The following MED24 variants were observed in gnomAD, a reference collection of about 807,000 sequenced individuals.
The protein encoded by MED24 is mediator of RNA polymerase II transcription subunit 24.
MED24 carries 74 observed loss-of-function variants against 118.8 expected under a neutral mutation model. The observed-to-expected ratio is 0.62, with a 90% CI of 0.52 to 0.76. MED24 has a LOEUF of 0.76. MED24 is among the 30% of genes least tolerant of loss of function. The pLI is 0.00. For synonymous variants in MED24, 521 were observed against 523.9 expected, an observed-to-expected ratio of 0.99 and a Z score of 0.08; for missense variants, 1,041 against 1,278.9, an observed-to-expected ratio of 0.81 and a Z score of 2.84.
intron 3 of MED24, among the ~76,000 whole-genome samples, chr17:40,039,781 A>ATT (rs869107070): frequency 0.013 from 1,643 of 127,650 alleles, 22 homozygotes; most frequent in African/African-American, 0.026. Flanking sequence ...ACCATGCTTA[A>ATT]TTTTTTTTTT....
chr17:40,028,679 T>G, intron 14 of MED24, 147 bp downstream of exon 14: 1 of 1,173,550 alleles, frequency 8.5e-7, no homozygotes, highest in Non-Finnish European at 1.2e-6. Flanking sequence ...AGGCCCTTCC[T>G]CCAAGATCTC....
Position 40,023,477 on chromosome 17 carries a change from T to C in MED24, c.1986-82A>G, listed in dbSNP as rs1418321038. On this transcript the variant is annotated intron_variant, in intron 19 of 25. Coordinates refer to ENST00000394128, the MANE Select transcript of MED24 (RefSeq NM_014815.4). ...GAGGAGGGAACACCCATGCCAGACT[T>C]TCCCTTGGACTTAGGTTACGGAAAT... is the stretch of plus-strand genomic sequence containing the variant. 3 of 1,360,102 alleles carry C rather than the reference T, an allele frequency of 2.2e-6. No individual in the cohort carries two copies. In the East Asian group the frequency reaches 6.9e-5, roughly 31 times the overall value. 84.3% of individuals were successfully genotyped at this position (1,360,102 alleles called of 1,614,324 possible).
intron 3 of MED24, among the ~76,000 whole-genome samples, chr17:40,042,380 C>A (rs1300818793): frequency 2.0e-5 from 3 of 152,040 alleles, no homozygotes; most frequent in Non-Finnish European, 4.4e-5. Flanking sequence ...TCTGGTGCAA[C>A]AAAAGAGAAA....
chr17:40,035,983 G>T, intron 4 of MED24, 133 bp downstream of exon 4: 1 of 1,178,404 alleles, frequency 8.5e-7, no homozygotes, highest in Non-Finnish European at 1.2e-6. Context: ...CCCTCCCATG[G>T]AAGTCCAGCA....
Position 40,019,610 on chromosome 17 carries a change from GCTGGACATGGC to G in MED24, c.2878_2888del (p.Ala960ProfsTer21), listed in dbSNP as rs1981687418. Reference sequence around the variant, plus strand: ...CCGTGATGGCCAGAACCACCTTGGGGCTGGACATGGCTGACACCTTCACCAGTTCCGACACC... The same window carrying G: ...CCGTGATGGCCAGAACCACCTTGGGGTGACACCTTCACCAGTTCCGACACC... On this transcript the variant is annotated frameshift_variant, in exon 26 of 26. Coordinates refer to ENST00000394128, the MANE Select transcript of MED24 (RefSeq NM_014815.4). LOFTEE classifies it high-confidence loss of function. 6.2e-7 allele frequency: 1 copy of G among 1,606,072 alleles called. No individual in the cohort carries two copies. Among genetic ancestry groups the G allele is most frequent in the Non-Finnish European group, 8.5e-7 (1 of 1,175,522 alleles).
intron 10 of MED24, 46 bp from the exon 11 acceptor site, chr17:40,031,666 C>A (rs773311493): frequency 6.4e-7 from 1 of 1,558,342 alleles, no homozygotes; most frequent in Admixed American, 1.7e-5. Context: ...GGCCACCAGG[C>A]CCTGATCATC....
In MED24 at chr17:40,033,631, G is replaced by C. The variant is rs529628970; in HGVS notation, c.560-175C>G. On this transcript the variant is annotated intron_variant, in intron 6 of 25. Transcript: ENST00000394128. This position sits in a 1 kb window ranked among gnomAD's most constrained non-coding sequence, Gnocchi z 5.2. The stretch of plus-strand genomic sequence containing the variant: ...GGGCAGCATGCACTGTTTCCAGAAG[G>C]GGGGTGGGCACCTAGAGCTGGAAAC... 380 of 703,804 alleles carry C rather than the reference G, an allele frequency of 5.4e-4. No homozygotes were observed. Among genetic ancestry groups the C allele is most frequent in the African/African-American group, 5.2e-3 (299 of 57,320 alleles). The allele number at this position is 703,804 out of a possible 1,614,324, so 43.6% of individuals were successfully genotyped here. A position where few individuals can be genotyped will look rare whatever the true frequency, so the allele number is the denominator to read the frequency against.
At chr17:40,022,576 G>A in intron 21 of MED24, 69 bp downstream of exon 21, 3 of 1,602,986 alleles carry the variant, frequency 1.9e-6, no homozygotes, top group Admixed American at 1.7e-5. Context: ...AGTCTCCCAG[G>A]GTGGCACCAG....
At position 40,036,519 on chromosome 17, in the gene MED24, T is replaced by C. The variant is rs572844219; in HGVS notation, c.214-365A>G. On this transcript the variant is annotated intron_variant, in intron 3 of 25. Transcript: ENST00000394128. ...TCCCGCCCAACATGGTGAAACCCCG[T>C]CTCTACTAAAAATTAAAAATTAGCT... Among the ~76,000 whole-genome samples, 7 of 151,972 alleles carry C rather than the reference T, an allele frequency of 4.6e-5. No homozygotes were observed. The South Asian group carries it at 1.5e-3, about 32-fold the overall frequency.
Position 40,026,871 on chromosome 17 carries a change from G to A in MED24, c.1694C>T (p.Ser565Leu). ...GGCCACTGACACTAGCTTCATCTCC[G>A]AGGAGTTGTTGAGCAGGGCCACCAG... ...ESLVALLNNS[S>L]EMKLVQMKWH... The change falls in exon 17 of 26, where the codon TCG becomes TTG. Residue 565 changes from serine (S) to leucine (L), a missense_variant. By Grantham distance (145) the Ser-to-Leu change is moderately radical. This residue lies in a region of MED24 where 587 missense variants were observed against 694.4 expected (regional missense o/e 0.85). Transcript: ENST00000394128. 2 of 1,613,214 alleles carry A rather than the reference G, an allele frequency of 1.2e-6. No individual in the cohort carries two copies. Among genetic ancestry groups the A allele is most frequent in the Non-Finnish European group, 1.7e-6 (2 of 1,179,474 alleles).
At chr17:40,029,114 A>C in intron 13 of MED24, 146 bp from the exon 14 acceptor site, 2 of 1,023,950 alleles carry the variant, frequency 2.0e-6, no homozygotes, top group Non-Finnish European at 2.8e-6. Flanking sequence ...CCTAAAACCC[A>C]CCCCTGCTCT....
intron 21 of MED24, 40 bp downstream of exon 21, chr17:40,022,605 T>C: frequency 2.5e-6 from 4 of 1,610,252 alleles, no homozygotes; most frequent in Non-Finnish European, 3.4e-6. Flanking sequence ...TGCTTGACCC[T>C]GGGTGGCCGG....
intron 10 of MED24, 131 bp downstream of exon 10, chr17:40,031,912 G>C: frequency 9.3e-7 from 1 of 1,069,746 alleles, no homozygotes; most frequent in Non-Finnish European, 1.4e-6. Context: ...TGTGAAGCAC[G>C]TGCACGCTGA....
Position 40,026,337 on chromosome 17 carries a change from G to A in MED24, c.1810-6C>T, listed in dbSNP as rs2076505411. On this transcript the variant is annotated splice_polypyrimidine_tract_variant and splice_region_variant and intron_variant, in intron 18 of 25. Coordinates refer to ENST00000394128, the MANE Select transcript of MED24 (RefSeq NM_014815.4). ...TTGATGTTATCAGTGATTTTCTAGG[G>A]GAGACGGAAAGGTGATGGGCTACCA... The A allele has an allele frequency of 1.2e-6, 2 of 1,611,566 alleles. No homozygotes were observed. Among genetic ancestry groups the A allele is most frequent in the African/African-American group, 1.3e-5 (1 of 74,866 alleles).
intron 3 of MED24, among the ~76,000 whole-genome samples, chr17:40,040,521 A>G (rs1195313092): frequency 2.6e-5 from 4 of 151,924 alleles, no homozygotes; most frequent in African/African-American, 9.7e-5. Flanking sequence ...AGATTCTTCT[A>G]TTTTTAAAAG....
At chr17:40,040,109 C>T (rs1984398631) in intron 3 of MED24, among the ~76,000 whole-genome samples, 1 of 141,106 alleles carries the variant, frequency 7.1e-6, no homozygotes, top group Admixed American at 7.2e-5. Context: ...GACAGAGTCT[C>T]ACTCTGTTGC....
At chr17:40,043,890 C>CAAAAAAAAAAAAAAAAA (rs35743512) in intron 3 of MED24, among the ~76,000 whole-genome samples, 3,171 of 96,786 alleles carry the variant, frequency 0.033, 260 homozygotes, top group South Asian at 0.073. Flanking sequence ...GACTCCATCT[C>CAAAAAAAAAAAAAAAAA]AAAAAAAAAA....
intron 13 of MED24, 109 bp downstream of exon 13, chr17:40,029,639 A>C: frequency 2.0e-6 from 2 of 1,024,290 alleles, no homozygotes; most frequent in Non-Finnish European, 2.9e-6. Flanking sequence ...CTATGTATAA[A>C]AGCTAAAGGA....
At chr17:40,040,462 C>T (rs1984439772) in intron 3 of MED24, among the ~76,000 whole-genome samples, 1 of 152,086 alleles carries the variant, frequency 6.6e-6, no homozygotes, top group Non-Finnish European at 1.5e-5. Context: ...GAGTTGCCCA[C>T]CCACACTGGC....
Sources: allele counts gnomAD v4.1 joint callset (sites outside exome capture counted in the v4.1 genomes callset), GRCh38; gene constraint gnomAD v4.1.1; regional missense constraint gnomAD v4.1.1; non-coding constraint Gnocchi (gnomAD v3.1); transcripts MANE v1.5; gene names NCBI Gene and HGNC (gene_info 2026-07-23, HGNC 2026-07-21).